Variants in EPG5 observed in about 807,000 individuals in gnomAD.
EPG5 encodes the protein ectopic P-granules 5 autophagy tethering factor.
A neutral mutation model predicts 302.7 loss-of-function variants in EPG5; 159 were observed. The observed-to-expected ratio is 0.53, with a 90% confidence interval of 0.46 to 0.60. The LOEUF (loss-of-function observed/expected upper bound fraction) is 0.60, where lower values mean the gene tolerates loss of function less well. Ranked by LOEUF, EPG5 falls within the 20% of genes least tolerant of loss-of-function variation. The probability of loss-of-function intolerance (pLI) is 0.00; values close to 1 mark genes in which losing one functional copy is unlikely to be tolerated. For missense variants in EPG5, 2,896 were observed against 3,092.4 expected (o/e 0.94, Z 1.51); for synonymous variants, 1,158 against 1,136.8 (o/e 1.02, Z -0.37).
intron 1 of EPG5, among the ~76,000 whole-genome samples, chr18:45,961,960 A>G (rs1278289128): frequency 2.0e-5 from 3 of 151,166 alleles, no homozygotes; most frequent in East Asian, 3.9e-4. Flanking sequence ...TAGCGCTTAT[A>G]AAGCATGATA....
chr18:45,823,667 TG>T, the EPG5 span, among the ~76,000 whole-genome samples: 1 of 152,240 alleles, frequency 6.6e-6, no homozygotes, highest in East Asian at 1.9e-4. Context: ...TTTATCTAAC[TG>T]CTAGTCTGCA....
intron 22 of EPG5, among the ~76,000 whole-genome samples, chr18:45,911,080 C>T (rs957502313): frequency 1.8e-3 from 69 of 38,628 alleles, no homozygotes; most frequent in East Asian, 0.015. Flanking sequence ...TCTATCTATA[C>T]ACACACACAC....
chr18:45,841,725 G>A, the EPG5 span, among the ~76,000 whole-genome samples: 2 of 152,314 alleles, frequency 1.3e-5, no homozygotes. Flanking sequence ...AGAGTGGGGC[G>A]GGTGTGAGGG....
rs1442654655 is a variant in EPG5 at position 45,884,765 on chromosome 18, G to A, written c.5156C>T (p.Thr1719Ile). 6.3e-7 allele frequency: 1 copy of A among 1,588,468 alleles called. No individual in the cohort carries two copies. The highest frequency in any genetic ancestry group is 1.9e-5 in the Admixed American group (1 of 52,856). Residue 1719 changes from threonine to isoleucine, a missense_variant, in exon 30 of 44, where the codon ACC (threonine) becomes ATC (isoleucine). By Grantham distance (89) the Thr-to-Ile change is moderately conservative. Transcript: ENST00000282041. ...IKSECRKVLE[T>I]ILKNSRLCSL... ...GCAGAGCCTGCTGTTCTTCAGAATG[G>A]TTTCAAGTACTTTTCTGCACTCTGA...
intron 12 of EPG5, 109 bp downstream of exon 12, chr18:45,930,567 C>T (rs781450011): frequency 4.2e-5 from 34 of 809,274 alleles, no homozygotes; most frequent in Non-Finnish European, 5.9e-5. Flanking sequence ...GAAGTGTAGA[C>T]AGTAGCTAAA....
At chr18:45,953,329 C>T (rs1204892006) in intron 2 of EPG5, 22 of 985,120 alleles carry the variant, frequency 2.2e-5, no homozygotes, top group Non-Finnish European at 2.5e-5. Context: ...TCTGGATCTA[C>T]CCTCATCATT....
At chr18:45,815,748 A>T in the EPG5 span, among the ~76,000 whole-genome samples, 112,786 of 152,156 alleles carry the variant, frequency 0.74, 42,701 homozygotes, top group East Asian at 0.94. Flanking sequence ...CACAATTCAC[A>T]ACGATACTAC....
intron 9 of EPG5, among the ~76,000 whole-genome samples, chr18:45,940,206 C>T (rs551230796): frequency 8.5e-5 from 13 of 152,158 alleles, no homozygotes; most frequent in African/African-American, 3.1e-4. Flanking sequence ...GCAAAAGCGC[C>T]GAGGGGTGTC....
At chr18:45,856,893 T>G (rs1455874658) in intron 42 of EPG5, among the ~76,000 whole-genome samples, 1 of 152,216 alleles carries the variant, frequency 6.6e-6, no homozygotes, top group African/African-American at 2.4e-5. Flanking sequence ...TCATTACTTA[T>G]CCTTCTTACC....
chr18:45,943,953 T>C (rs371084456), intron 8 of EPG5, 52 bp downstream of exon 8: 2 of 1,147,038 alleles, frequency 1.7e-6, no homozygotes, highest in Admixed American at 1.8e-5. Flanking sequence ...GCAGAGTTCC[T>C]GTGTTTACAC....
intron 2 of EPG5, chr18:45,953,167 C>T (rs1419998936): frequency 2.1e-6 from 1 of 484,900 alleles, no homozygotes; most frequent in African/African-American, 2.1e-5. Flanking sequence ...AGCTAGACTC[C>T]ATCTAAAAAA....
chr18:45,884,924 A>G (rs2145445993), intron 29 of EPG5, 113 bp from the exon 30 acceptor site: 1 of 649,364 alleles, frequency 1.5e-6, no homozygotes, highest in Non-Finnish European at 2.5e-6. Context: ...TTTTCTAAAC[A>G]AAAGTCTGAA....
Position 45,949,547 on chromosome 18 carries a change from G to T in EPG5, c.1434C>A (p.Phe478Leu). 6.2e-7 allele frequency: 1 copy of T among 1,613,372 alleles called. No homozygotes were observed. Residue 478 changes from phenylalanine to leucine, a missense_variant, in exon 5 of 44, where the codon TTC becomes TTA. By Grantham distance (22) the Phe-to-Leu change is conservative. Transcript: ENST00000282041. ...GGCATCGAAGAATATGGTTTAGAAG[G>T]AAGAGGTGATCTCCAGGACAGCCAA... The part of the protein sequence containing the change: ...QRVGCPGDHL[F>L]LLNHILRCPA...
At position 45,904,029 on chromosome 18, in the gene EPG5, G is replaced by A. The variant is rs2049688772; in HGVS notation, c.4418C>T (p.Ser1473Phe). 6.2e-7 allele frequency: 1 copy of A among 1,613,322 alleles called. No homozygotes were observed. The highest frequency in any genetic ancestry group is 2.2e-5 in the East Asian group (1 of 44,820). The change falls in exon 25 of 44, where the codon TCC becomes TTC. Residue 1473 changes from serine to phenylalanine, a missense_variant. Ser to Phe is a radical substitution (Grantham distance 155). Around this residue, in one of 5 missense-constraint regions of EPG5, gnomAD observed 790 missense variants for 798.0 expected, o/e 0.99. Coordinates refer to ENST00000282041, the MANE Select transcript of EPG5 (RefSeq NM_020964.3). ...GGACAAACTGCAGGGTGTGGAATGG[G>A]ACTCAAGCTTGGCCTGTGTCCACAG... ...VGLWTQAKLE[S>F]HSTPCSLSVQ...
intron 1 of EPG5, among the ~76,000 whole-genome samples, chr18:45,960,019 T>A (rs996747166): frequency 2.0e-5 from 3 of 152,122 alleles, no homozygotes. Context: ...GTGCAGTGGC[T>A]CACACGTGTA....
rs1362698129 is a variant in EPG5 at position 45,850,939 on chromosome 18, A to T, written c.*1528T>A. 6.6e-6 allele frequency: 1 copy of T among 152,434 alleles called. No individual in the cohort carries two copies. The highest frequency in any genetic ancestry group is 2.4e-5 in the African/African-American group (1 of 41,480). The allele number at this position is 152,434 out of a possible 1,614,324, so 9.4% of individuals were successfully genotyped here. A position where few individuals can be genotyped will look rare whatever the true frequency, so the allele number is the denominator to read the frequency against. The stretch of plus-strand genomic sequence containing the variant: ...GCAAAAATAAGAAAAGCTGAGACAG[A>T]TCCCTCTGAGACGGACATTTTGTGG... On this transcript the variant is annotated 3_prime_UTR_variant, in exon 44 of 44. Transcript: ENST00000282041.
chr18:45,887,704 G>A lies in EPG5; in HGVS notation c.5109+47C>T, dbSNP rs772680922. 3.0e-5 allele frequency: 42 copies of A among 1,417,870 alleles called. No homozygotes were observed. In the South Asian group the frequency reaches 4.2e-4, roughly 14 times the overall value. 87.8% of individuals were successfully genotyped at this position (1,417,870 alleles called of 1,614,324 possible). ...ACTATATCCAAAGAAGACAGACACC[G>A]CAGAGACTCATTATCTGATCAAGGC... On this transcript the variant is annotated intron_variant, in intron 29 of 43. Coordinates refer to ENST00000282041, the MANE Select transcript of EPG5 (RefSeq NM_020964.3).
At position 45,867,708 on chromosome 18, in the gene EPG5, C is replaced by G; in HGVS notation, c.6266G>C (p.Gly2089Ala). Residue 2089 changes from glycine (G) to alanine (A), a missense_variant, in exon 37 of 44, where the codon GGG becomes GCG. Transcript: ENST00000282041. ...GSPKSCFLFL[G>A]SVLCEVNWVS... ...CCAGTTGACTTCACAGAGTACAGAC[C>G]CCAAAAATAAGAAACAGCTCTTGGG... is the stretch of plus-strand genomic sequence containing the variant. 6.2e-7 allele frequency: 1 copy of G among 1,609,074 alleles called. No individual in the cohort carries two copies. The highest frequency in any genetic ancestry group is 2.2e-5 in the East Asian group (1 of 44,818).
Position 45,858,554 on chromosome 18 carries a change from G to A in EPG5, c.7226+12C>T. 1 of 1,608,676 alleles carries A rather than the reference G, an allele frequency of 6.2e-7. No homozygotes were observed. The highest frequency in any genetic ancestry group is 2.2e-5 in the East Asian group (1 of 44,864). ...CAGCAAGTTTGATGTAACAGCCTGA[G>A]GGCCAACGTACCTTGGGTACACCTG... On this transcript the variant is annotated intron_variant, in intron 41 of 43. Transcript: ENST00000282041.
Sources: allele counts gnomAD v4.1 joint callset (sites outside exome capture counted in the v4.1 genomes callset), GRCh38; gene constraint gnomAD v4.1.1; regional missense constraint gnomAD v4.1.1; transcripts MANE v1.5; gene names NCBI Gene and HGNC (gene_info 2026-07-23, HGNC 2026-07-21).